EPB41L4A: variants seen among roughly 807,000 people sequenced by gnomAD.
EPB41L4A encodes band 4.1-like protein 4A.
Under a neutral mutation model 108.6 loss-of-function variants are expected in EPB41L4A, and 100 were observed. That is an observed-to-expected ratio of 0.92 (90% CI 0.78 to 1.09). The LOEUF (loss-of-function observed/expected upper bound fraction) is 1.09. Among genes scored for constraint, EPB41L4A ranks in the 50% least tolerant of loss-of-function variants. The pLI, the probability that EPB41L4A is intolerant of heterozygous loss-of-function variation, is 0.00. For missense variants in EPB41L4A, 1,030 were observed against 842.7 expected, an observed-to-expected ratio of 1.22 and a Z score of -2.75; for synonymous variants, 319 against 289.0, an observed-to-expected ratio of 1.10 and a Z score of -1.05.
intron 13 of EPB41L4A, among the ~76,000 whole-genome samples, chr5:112,207,625 C>G (rs1449368776): frequency 6.6e-6 from 1 of 150,650 alleles, no homozygotes; most frequent in East Asian, 2.0e-4. Context: ...CATCAACAGG[C>G]ACTTTTCCAA....
intron 6 of EPB41L4A, chr5:112,264,157 T>A (rs1043713357): frequency 6.6e-6 from 1 of 152,154 alleles, no homozygotes; most frequent in African/African-American, 2.4e-5. Flanking sequence ...CCAAGTATAT[T>A]CAAGAGGAAG....
intron 9 of EPB41L4A, among the ~76,000 whole-genome samples, chr5:112,243,495 G>A (rs1377818631): frequency 1.3e-5 from 2 of 152,102 alleles, no homozygotes; most frequent in Admixed American, 6.5e-5. Context: ...CCTGTCCTCG[G>A]AAGCTTTAAT....
intron 11 of EPB41L4A, among the ~76,000 whole-genome samples, chr5:112,237,284 C>G (rs148653710): frequency 6.6e-5 from 10 of 152,224 alleles, no homozygotes; most frequent in African/African-American, 2.2e-4. Flanking sequence ...TCAGCCTTTC[C>G]TCACAAATTT....
chr5:112,184,065 T>C lies in EPB41L4A; in HGVS notation c.1573A>G (p.Lys525Glu), dbSNP rs1761301006. Residue 525 changes from lysine to glutamate, a missense_variant, in exon 18 of 23, where the codon AAA becomes GAA. Physicochemically the swap from Lys to Glu is moderately conservative, Grantham distance 56. Coordinates refer to ENST00000261486, the MANE Select transcript of EPB41L4A (RefSeq NM_022140.5). ...CTGTTGTTGGGGTCGGCTTGGTTTT[T>C]TTCCTTTTGTCTCCTTAATACAGCT... ...WEAVLRRQKE[K>E]NQADPNNRRS... The C allele has an allele frequency of 1.2e-6, 2 of 1,613,980 alleles. No homozygotes were observed. Among genetic ancestry groups the C allele is most frequent in the South Asian group, 1.1e-5 (1 of 91,072 alleles).
chr5:112,210,161 G>A (rs1256382967), intron 12 of EPB41L4A, 179 bp from the exon 13 acceptor site: 16 of 502,274 alleles, frequency 3.2e-5, no homozygotes, highest in Admixed American at 2.3e-4. Flanking sequence ...ATTTTCTAAC[G>A]TGTACTAAAC....
intron 11 of EPB41L4A, among the ~76,000 whole-genome samples, chr5:112,239,039 G>A (rs190610683): frequency 1.3e-5 from 2 of 152,244 alleles, no homozygotes; most frequent in East Asian, 1.9e-4. Flanking sequence ...CCACTTCCCC[G>A]CTTCCTAGCT....
intron 13 of EPB41L4A, among the ~76,000 whole-genome samples, chr5:112,207,899 A>T (rs573753044): frequency 6.6e-6 from 1 of 152,306 alleles, no homozygotes; most frequent in East Asian, 1.9e-4. Flanking sequence ...CCACCATTTG[A>T]TCCAACAATT....
At chr5:112,340,305 A>C (rs1035814202) in intron 1 of EPB41L4A, among the ~76,000 whole-genome samples, 4 of 152,172 alleles carry the variant, frequency 2.6e-5, no homozygotes, top group African/African-American at 9.7e-5. Flanking sequence ...GCCTTGTTGA[A>C]ACAGACTGCT....
At chr5:112,303,795 AT>A (rs1679930815) in intron 2 of EPB41L4A, among the ~76,000 whole-genome samples, 1 of 152,142 alleles carries the variant, frequency 6.6e-6, no homozygotes, top group South Asian at 2.1e-4. Flanking sequence ...TCAGAAGTGA[AT>A]GTAAGAAACT....
At chr5:112,211,220 C>T (rs1014903066) in intron 12 of EPB41L4A, among the ~76,000 whole-genome samples, 4 of 152,148 alleles carry the variant, frequency 2.6e-5, no homozygotes, top group Admixed American at 2.0e-4. Flanking sequence ...ACACTACTTC[C>T]ACCTGTGGCC....
chr5:112,290,705 G>A (rs1248901700), intron 2 of EPB41L4A, among the ~76,000 whole-genome samples: 1 of 152,174 alleles, frequency 6.6e-6, no homozygotes, highest in Non-Finnish European at 1.5e-5. Context: ...TCTTGAAACT[G>A]TAGTAATTTA....
intron 1 of EPB41L4A, among the ~76,000 whole-genome samples, chr5:112,330,116 TACC>T (rs1302527929): frequency 6.6e-6 from 1 of 151,858 alleles, no homozygotes; most frequent in Non-Finnish European, 1.5e-5. Flanking sequence ...AACGGCTTGC[TACC>T]TTCAGCTGAA....
chr5:112,339,478 A>ATC (rs1561584899), intron 1 of EPB41L4A, among the ~76,000 whole-genome samples: 435 of 32,488 alleles, frequency 0.013, 4 homozygotes, highest in African/African-American at 0.051. Context: ...ATATATCTAT[A>ATC]TATATATATA....
intron 18 of EPB41L4A, among the ~76,000 whole-genome samples, chr5:112,172,939 T>C (rs1379339691): frequency 1.3e-5 from 2 of 152,194 alleles, no homozygotes; most frequent in African/African-American, 4.8e-5. Context: ...CTGTGCATTG[T>C]AGCATGATCA....
intron 1 of EPB41L4A, among the ~76,000 whole-genome samples, chr5:112,389,420 G>C (rs1488055190): frequency 6.6e-6 from 1 of 152,162 alleles, no homozygotes; most frequent in African/African-American, 2.4e-5. Flanking sequence ...AAACAAAACA[G>C]AGTTGTTATC....
chr5:112,226,700 A>C (rs1748479405), intron 12 of EPB41L4A, among the ~76,000 whole-genome samples: 1 of 152,120 alleles, frequency 6.6e-6, no homozygotes, highest in South Asian at 2.1e-4. Context: ...GGTGTAAAAA[A>C]AAAAATCAGA....
At chr5:112,322,052 T>TATCA (rs1255670747) in intron 1 of EPB41L4A, among the ~76,000 whole-genome samples, 2 of 152,204 alleles carry the variant, frequency 1.3e-5, no homozygotes, top group Admixed American at 6.5e-5. Context: ...CAATAACATC[T>TATCA]ATCAGCACAT....
chr5:112,313,034 T>C lies in EPB41L4A; in HGVS notation c.100-5544A>G, dbSNP rs138013346. Among the ~76,000 whole-genome samples, 1,036 of 152,316 alleles carry C rather than the reference T, an allele frequency of 6.8e-3. 9 individuals carry two copies. The highest frequency in any genetic ancestry group is 0.01 in the Non-Finnish European group (707 of 68,026). ...CACATGACTTCATTCATTGAAATAT[T>C]TATTTATTTATTGCCTAATACCAGC... On this transcript the variant is annotated intron_variant, in intron 1 of 22. Transcript: ENST00000261486.
At chr5:112,282,652 C>T (rs1753041699) in intron 2 of EPB41L4A, among the ~76,000 whole-genome samples, 1 of 152,140 alleles carries the variant, frequency 6.6e-6, no homozygotes, top group African/African-American at 2.4e-5. Flanking sequence ...TAGAGGCTCT[C>T]CCAGTTTCTC....
Sources: allele counts gnomAD v4.1 joint callset (sites outside exome capture counted in the v4.1 genomes callset), GRCh38; gene constraint gnomAD v4.1.1; transcripts MANE v1.5; gene names NCBI Gene and HGNC (gene_info 2026-07-23, HGNC 2026-07-21).